The following ASPH variants were observed in gnomAD, a reference collection of about 807,000 sequenced individuals.
The protein encoded by ASPH is aspartate beta-hydroxylase.
A neutral mutation model predicts 118.4 loss-of-function variants in ASPH; 100 were observed. That is an observed-to-expected ratio of 0.84 (90% confidence interval 0.72 to 1.00). ASPH has a LOEUF of 1.00. ASPH is among the 50% of genes least tolerant of loss of function. The pLI is 0.00. For missense variants in ASPH, 920 were observed against 919.5 expected (o/e 1.00, Z -0.01); for synonymous variants, 315 against 325.6 (o/e 0.97, Z 0.35).
At chr8:61,557,235 T>C (rs991300218) in intron 18 of ASPH, among the ~76,000 whole-genome samples, 2 of 152,060 alleles carry the variant, frequency 1.3e-5, no homozygotes, top group African/African-American at 4.8e-5. Flanking sequence ...CTCTGCTGCA[T>C]TGCACTCAGA....
At chr8:61,694,339 G>A (rs1833420416) in intron 1 of ASPH, among the ~76,000 whole-genome samples, 1 of 151,964 alleles carries the variant, frequency 6.6e-6, no homozygotes, top group Non-Finnish European at 1.5e-5. Flanking sequence ...ATGTCATCTT[G>A]CTCTTCCCAT....
chr8:61,568,575 C>T (rs868680660), intron 16 of ASPH, among the ~76,000 whole-genome samples: 2 of 151,924 alleles, frequency 1.3e-5, no homozygotes, highest in South Asian at 4.2e-4. Flanking sequence ...CAGGAAGGGG[C>T]ATATATGAGT....
chr8:61,707,695 TGG>T (rs1311975667), intron 1 of ASPH, among the ~76,000 whole-genome samples: 1 of 152,132 alleles, frequency 6.6e-6, no homozygotes, highest in African/African-American at 2.4e-5. Context: ...TGCGATAGGA[TGG>T]CTAAATGAAA....
At chr8:61,682,466 G>T in intron 2 of ASPH, 2 of 1,612,642 alleles carry the variant, frequency 1.2e-6, no homozygotes, top group Non-Finnish European at 1.7e-6. Context: ...AAGTTATAAC[G>T]GAAGTCCTTT....
chr8:61,624,080 G>C (rs2150576973), intron 13 of ASPH: 1 of 424,602 alleles, frequency 2.4e-6, no homozygotes, highest in South Asian at 9.9e-5. Flanking sequence ...CAAAAATATA[G>C]TTATATACAA....
At chr8:61,562,365 A>G (rs1830247532) in intron 18 of ASPH, among the ~76,000 whole-genome samples, 1 of 142,124 alleles carries the variant, frequency 7.0e-6, no homozygotes, top group Non-Finnish European at 1.5e-5. Context: ...TGCCAAAAAA[A>G]AAAAAAAAAA....
chr8:61,563,253 A>C (rs893351215), intron 17 of ASPH, among the ~76,000 whole-genome samples: 1 of 152,128 alleles, frequency 6.6e-6, no homozygotes, highest in African/African-American at 2.4e-5. Flanking sequence ...ATAGGGGATA[A>C]GCAATAAAAA....
At chr8:61,605,122 A>G (rs191038846) in intron 14 of ASPH, among the ~76,000 whole-genome samples, 82 of 152,338 alleles carry the variant, frequency 5.4e-4, no homozygotes, top group Non-Finnish European at 4.4e-5. Context: ...TTGTTTTCAC[A>G]TATAAACACT....
At chr8:61,701,350 G>A (rs766952891) in intron 1 of ASPH, among the ~76,000 whole-genome samples, 1 of 152,148 alleles carries the variant, frequency 6.6e-6, no homozygotes, top group Non-Finnish European at 1.5e-5. Context: ...AGTGAACTGT[G>A]CTCTTACTCA....
chr8:61,680,895 A>C, intron 3 of ASPH, 73 bp downstream of exon 3: 1 of 1,292,526 alleles, frequency 7.7e-7, no homozygotes, highest in Non-Finnish European at 1.1e-6. Flanking sequence ...ATTGAGATAG[A>C]TATTATTAAA....
At chr8:61,520,158 C>T (rs1357905605) in intron 22 of ASPH, among the ~76,000 whole-genome samples, 2 of 152,174 alleles carry the variant, frequency 1.3e-5, no homozygotes, top group Admixed American at 6.5e-5. Flanking sequence ...CTATGATTAA[C>T]TGTCAAGAGC....
At chr8:61,594,614 C>T (rs1409267079) in intron 14 of ASPH, among the ~76,000 whole-genome samples, 1 of 152,138 alleles carries the variant, frequency 6.6e-6, no homozygotes, top group Non-Finnish European at 1.5e-5. Flanking sequence ...GAATACAATA[C>T]AATAAGGTAT....
rs199712799 is a variant in ASPH, at chr8:61,543,898, T to TA, written c.1764+4172dup. On this transcript the variant is annotated intron_variant, in intron 21 of 24. Transcript: ENST00000379454. ...TAGTTGCTCTGGGCACTTGTAATGT[T>TA]AAAAAAAATACCTGCCAATAATTGT... Among the ~76,000 whole-genome samples the TA allele has an allele frequency of 1.6e-3, 243 of 152,082 alleles. 1 individual carries two copies. Among genetic ancestry groups the TA allele is most frequent in the Middle Eastern group, 6.8e-3 (2 of 294 alleles).
intron 21 of ASPH, among the ~76,000 whole-genome samples, chr8:61,532,614 C>T (rs1270019073): frequency 6.6e-6 from 1 of 152,106 alleles, no homozygotes; most frequent in South Asian, 2.1e-4. Context: ...AGAGGAATGT[C>T]TTTTTATAAT....
At chr8:61,625,397 C>T (rs148986028) in intron 13 of ASPH, 1 of 985,530 alleles carries the variant, frequency 1.0e-6, no homozygotes, top group Non-Finnish European at 1.2e-6. Context: ...AGGGGAATTA[C>T]TCAATTAGCC....
At chr8:61,704,959 T>C (rs985479921) in intron 1 of ASPH, among the ~76,000 whole-genome samples, 4 of 152,206 alleles carry the variant, frequency 2.6e-5, no homozygotes, top group African/African-American at 7.2e-5. Flanking sequence ...TATAGCCCAG[T>C]AATCCCTCTC....
chr8:61,694,080 T>C (rs79067937), intron 1 of ASPH, among the ~76,000 whole-genome samples: 57 of 152,280 alleles, frequency 3.7e-4, no homozygotes, highest in African/African-American at 1.4e-3. Context: ...TATGTCAAAC[T>C]TCTCTGCCCC....
At chr8:61,582,034 C>T (rs1837728631) in intron 15 of ASPH, among the ~76,000 whole-genome samples, 1 of 152,138 alleles carries the variant, frequency 6.6e-6, no homozygotes, top group African/African-American at 2.4e-5. Flanking sequence ...TAGTTGGCCT[C>T]GGCTGGTCCA....
intron 3 of ASPH, chr8:61,661,164 C>T (rs1023426292): frequency 1.3e-5 from 2 of 152,112 alleles, no homozygotes; most frequent in Non-Finnish European, 2.9e-5. Flanking sequence ...AAATCAGGCT[C>T]CACTATACTC....
Sources: gnomAD v4.1 joint callset for allele counts (sites outside exome capture counted in the v4.1 genomes callset) on GRCh38, gnomAD v4.1.1 for gene constraint, MANE v1.5 for transcripts, NCBI Gene and HGNC (gene_info 2026-07-23, HGNC 2026-07-21) for gene names.